Variants in EBF1 observed in about 807,000 individuals in gnomAD.
The protein encoded by EBF1 is EBF transcription factor 1, also known as transcription factor COE1.
A neutral mutation model predicts 68.4 loss-of-function variants in EBF1; 10 were observed. The ratio of observed to expected loss-of-function variants is 0.15; its 90% CI spans 0.09 to 0.25. The LOEUF is 0.25. EBF1 is among the 10% of genes least tolerant of loss of function. The pLI, the probability that EBF1 is intolerant of heterozygous loss-of-function variation, is 1.00. For missense variants in EBF1, 509 were observed against 794.4 expected, an observed-to-expected ratio of 0.64 and a Z score of 4.32; for synonymous variants, 298 against 299.8, an observed-to-expected ratio of 0.99 and a Z score of 0.06.
intron 6 of EBF1, among the ~76,000 whole-genome samples, chr5:158,879,085 C>T (rs191112578): frequency 6.6e-6 from 1 of 152,272 alleles, no homozygotes; most frequent in African/African-American, 2.4e-5. Flanking sequence ...CCCTATTATT[C>T]ACTCTGCTGA....
intron 7 of EBF1, among the ~76,000 whole-genome samples, chr5:158,823,840 A>G (rs776097282): frequency 5.9e-5 from 9 of 152,070 alleles, no homozygotes; most frequent in Admixed American, 1.3e-4. Flanking sequence ...TTTCCACATT[A>G]GTTTGGTTCA....
chr5:159,016,900 A>T (rs564199338), intron 6 of EBF1, among the ~76,000 whole-genome samples: 3 of 152,294 alleles, frequency 2.0e-5, no homozygotes, highest in Admixed American at 2.0e-4. Flanking sequence ...TCACAAACAC[A>T]CTTTGAGAGA....
intron 9 of EBF1, among the ~76,000 whole-genome samples, chr5:158,793,202 A>G (rs1367371650): frequency 6.6e-6 from 1 of 152,192 alleles, no homozygotes; most frequent in East Asian, 1.9e-4. Context: ...CCAAACATTT[A>G]TCATATTGCC....
At chr5:158,871,648 C>T in intron 6 of EBF1, among the ~76,000 whole-genome samples, 1 of 152,140 alleles carries the variant, frequency 6.6e-6, no homozygotes, top group East Asian at 1.9e-4. Flanking sequence ...TAGGTGGAAA[C>T]AGGAATGATA....
At chr5:158,717,585 T>C (rs1761019638) in intron 11 of EBF1, among the ~76,000 whole-genome samples, 1 of 152,094 alleles carries the variant, frequency 6.6e-6, no homozygotes, top group African/African-American at 2.4e-5. Context: ...ATTTCAAACA[T>C]AAGAGTGGAT....
intron 7 of EBF1, among the ~76,000 whole-genome samples, chr5:158,828,247 AG>A (rs1274368224): frequency 6.6e-6 from 1 of 152,242 alleles, no homozygotes; most frequent in African/African-American, 2.4e-5. Flanking sequence ...GCCAGTAACC[AG>A]GGGATACATA....
chr5:158,703,441 C>A (rs773990190), intron 15 of EBF1, among the ~76,000 whole-genome samples: 1 of 152,076 alleles, frequency 6.6e-6, no homozygotes, highest in African/African-American at 2.4e-5. Context: ...ATGAAATAGT[C>A]ATTTTTATTT....
chr5:159,013,089 C>T (rs1764987071), intron 6 of EBF1, among the ~76,000 whole-genome samples: 1 of 152,230 alleles, frequency 6.6e-6, no homozygotes, highest in South Asian at 2.1e-4. Flanking sequence ...TTTGTTATGG[C>T]AGCCCTGGCA....
intron 15 of EBF1, among the ~76,000 whole-genome samples, chr5:158,703,602 C>CAAAA (rs11301371): frequency 1.6e-5 from 2 of 126,386 alleles, no homozygotes; most frequent in African/African-American, 6.0e-5. Flanking sequence ...GTTGCTTTTT[C>CAAAA]AAAAAAAAAA....
At chr5:159,042,023 T>A (rs1290452431) in intron 6 of EBF1, among the ~76,000 whole-genome samples, 1 of 152,180 alleles carries the variant, frequency 6.6e-6, no homozygotes, top group Non-Finnish European at 1.5e-5. Context: ...ATGAGAGTGC[T>A]TTGGCTGCAA....
At chr5:158,913,090 G>T (rs966146849) in intron 6 of EBF1, among the ~76,000 whole-genome samples, 1 of 152,120 alleles carries the variant, frequency 6.6e-6, no homozygotes, top group Non-Finnish European at 1.5e-5. Context: ...CAAAATATCT[G>T]TACAATACAG....
At chr5:159,001,047 A>G (rs540732849) in intron 6 of EBF1, among the ~76,000 whole-genome samples, 106 of 152,308 alleles carry the variant, frequency 7.0e-4, no homozygotes, top group African/African-American at 2.5e-3. Context: ...TTTCCTTCAT[A>G]TACTTTAATC....
At chr5:159,074,935 T>C (rs1209370359) in intron 5 of EBF1, among the ~76,000 whole-genome samples, 1 of 152,182 alleles carries the variant, frequency 6.6e-6, no homozygotes, top group African/African-American at 2.4e-5. Context: ...TAACAAGTAG[T>C]TGAAGCAGTG....
Position 158,713,112 on chromosome 5 carries a change from C to T in EBF1, c.1227G>A (p.Glu409=), listed in dbSNP as rs745844207. 6.5e-7 allele frequency: 1 copy of T among 1,549,044 alleles called. No homozygotes were observed. The highest frequency in any genetic ancestry group is 8.7e-7 in the Non-Finnish European group (1 of 1,144,920). ...IILKRAADIA[E]ALYSVPRNHN... ...GGTTGCGGGGAACACTGTACAGGGC[C>T]TCGGCAATGTCGGCCGCTCTCTTCA... The change falls in exon 13 of 16, where the codon GAG becomes GAA. Residue 409 remains glutamate, a synonymous_variant. Transcript: ENST00000313708.
At chr5:158,799,114 G>A (rs1780109287) in intron 8 of EBF1, among the ~76,000 whole-genome samples, 1 of 152,124 alleles carries the variant, frequency 6.6e-6, no homozygotes, top group African/African-American at 2.4e-5. Flanking sequence ...GATGAGGAGG[G>A]GAAGCTAGTA....
chr5:158,802,014 G>A (rs1312848231), intron 8 of EBF1, among the ~76,000 whole-genome samples: 1 of 152,120 alleles, frequency 6.6e-6, no homozygotes, highest in Non-Finnish European at 1.5e-5. Context: ...CAAGGGCCAG[G>A]AGAGCCATGT....
chr5:158,696,898 T>C lies in EBF1; in HGVS notation c.*2213A>G. 6.1e-6 allele frequency: 1 copy of C among 164,890 alleles called. No individual in the cohort carries two copies. Among genetic ancestry groups the C allele is most frequent in the Non-Finnish European group, 1.3e-5 (1 of 79,524 alleles). 10.2% of individuals were successfully genotyped at this position (164,890 alleles called of 1,614,324 possible). A position where few individuals can be genotyped will look rare whatever the true frequency, so the allele number is the denominator to read the frequency against. On this transcript the variant is annotated 3_prime_UTR_variant, in exon 16 of 16. Transcript: ENST00000313708. ...TCTTTTGTGCTTTTCGATTTCTTTG[T>C]TTTTTTTTTTTTCTTTTTTTCTTTT...
intron 6 of EBF1, among the ~76,000 whole-genome samples, chr5:158,953,187 C>T (rs1378644441): frequency 2.6e-5 from 4 of 152,104 alleles, no homozygotes; most frequent in African/African-American, 4.8e-5. Context: ...TGTCTGGGAC[C>T]GTCAAACCCT....
chr5:158,971,111 T>C (rs935629041), intron 6 of EBF1, among the ~76,000 whole-genome samples: 14 of 152,248 alleles, frequency 9.2e-5, no homozygotes, highest in African/African-American at 3.4e-4. Context: ...GCTAAGTACA[T>C]TTATCATGGA....
Sources: allele counts gnomAD v4.1 joint callset (sites outside exome capture counted in the v4.1 genomes callset), GRCh38; gene constraint gnomAD v4.1.1; transcripts MANE v1.5; gene names NCBI Gene and HGNC (gene_info 2026-07-23, HGNC 2026-07-21).